ZRANB3: variants seen among roughly 807,000 people sequenced by gnomAD.
ZRANB3 encodes DNA annealing helicase and endonuclease ZRANB3.
In ZRANB3, 125 loss-of-function variants were observed where a neutral mutation model predicts 133.8. The ratio of observed to expected loss-of-function variants is 0.93; its 90% CI spans 0.81 to 1.08. The LOEUF is 1.08. ZRANB3 is among the 50% of genes least tolerant of loss of function. ZRANB3 has a pLI of 0.00. For synonymous variants in ZRANB3, 387 were observed against 432.7 expected (o/e 0.89, Z 1.31); for missense variants, 1,229 against 1,275.5 (o/e 0.96, Z 0.56).
At chr2:135,391,611 G>A (rs574653221) in intron 2 of ZRANB3, among the ~76,000 whole-genome samples, 1 of 142,976 alleles carries the variant, frequency 7.0e-6, no homozygotes, top group Admixed American at 7.5e-5. Flanking sequence ...ACGGAGTCTC[G>A]CTCTGTTGCC....
At chr2:135,392,425 A>G in intron 2 of ZRANB3, among the ~76,000 whole-genome samples, 1 of 151,770 alleles carries the variant, frequency 6.6e-6, no homozygotes, top group Middle Eastern at 3.4e-3. Flanking sequence ...TTGATATCAT[A>G]TAATCTTATA....
Position 135,491,749 on chromosome 2 carries a change from T to C in ZRANB3, c.161+12580A>G, listed in dbSNP as rs549469609. ...CCAGGATGGTCTTGATCTCCTGACC[T>C]TGTGATCTGCCCGCCTCAGCCTCAC... is the stretch of plus-strand genomic sequence containing the variant. On this transcript the variant is annotated intron_variant, in intron 2 of 20. Transcript: ENST00000264159. 2.2e-4 allele frequency among the ~76,000 whole-genome samples: 33 copies of C among 151,976 alleles called. No homozygotes were observed. The South Asian group carries it at 5.8e-3, about 27-fold the overall frequency.
intron 2 of ZRANB3, among the ~76,000 whole-genome samples, chr2:135,493,522 T>C (rs1692513872): frequency 6.6e-6 from 1 of 152,082 alleles, no homozygotes. Context: ...ATGTTGTATA[T>C]AACATATATA....
At chr2:135,419,049 T>A (rs1000773488) in intron 2 of ZRANB3, among the ~76,000 whole-genome samples, 2 of 147,338 alleles carry the variant, frequency 1.4e-5, no homozygotes, top group African/African-American at 5.0e-5. Flanking sequence ...GCCATTCTCC[T>A]GTCTCAGCCT....
chr2:135,416,361 G>C (rs1688574711), intron 2 of ZRANB3, among the ~76,000 whole-genome samples: 1 of 152,108 alleles, frequency 6.6e-6, no homozygotes, highest in Non-Finnish European at 1.5e-5. Context: ...ATTCACAATT[G>C]CTTCAAAGAG....
intron 6 of ZRANB3, among the ~76,000 whole-genome samples, chr2:135,322,835 G>GGCAAAACCCCATCTCTACTAAAAAT (rs1195900473): frequency 2.6e-5 from 4 of 151,944 alleles, no homozygotes; most frequent in African/African-American, 9.7e-5. Flanking sequence ...TGGATAACAT[G>GGCAAAACCCCATCTCTACTAAAAAT]GCAAAACCCC....
intron 2 of ZRANB3, among the ~76,000 whole-genome samples, chr2:135,449,880 C>A (rs182733420): frequency 6.3e-4 from 96 of 152,234 alleles, no homozygotes; most frequent in African/African-American, 2.2e-3. Context: ...GCTGCAGCCT[C>A]CTGAGTACCT....
intron 19 of ZRANB3, 86 bp downstream of exon 19, chr2:135,207,348 C>T: frequency 6.9e-7 from 1 of 1,441,810 alleles, no homozygotes; most frequent in South Asian, 1.6e-5. Flanking sequence ...TCTGAATATT[C>T]CCATGTTAAA....
At chr2:135,413,884 T>C (rs1451949616) in intron 2 of ZRANB3, among the ~76,000 whole-genome samples, 1 of 151,948 alleles carries the variant, frequency 6.6e-6, no homozygotes, top group Non-Finnish European at 1.5e-5. Flanking sequence ...AGAAATAAAA[T>C]ACTTTACAGA....
intron 12 of ZRANB3, among the ~76,000 whole-genome samples, chr2:135,254,007 G>C (rs1679529891): frequency 6.6e-6 from 1 of 152,118 alleles, no homozygotes. Flanking sequence ...TTTTGGCATG[G>C]CAAGTGTGAG....
Position 135,511,235 on chromosome 2 carries a change from T to G in ZRANB3, c.-7-6739A>C, listed in dbSNP as rs1395616051. ...CTTCCCATACTGTCTGAGATATGTCTGCAGGTGCTGGAGAAGAACTCTTCT... is the reference window on the plus strand; with the variant it reads ...CTTCCCATACTGTCTGAGATATGTCGGCAGGTGCTGGAGAAGAACTCTTCT... On this transcript the variant is annotated intron_variant, in intron 1 of 20. Coordinates refer to ENST00000264159, the MANE Select transcript of ZRANB3 (RefSeq NM_032143.4). 5 of 990,964 alleles carry G rather than the reference T, an allele frequency of 5.0e-6. No individual in the cohort carries two copies. The East Asian group carries it at 1.2e-4, about 24-fold the overall frequency. 61.4% of individuals were successfully genotyped at this position (990,964 alleles called of 1,614,324 possible). A position where few individuals can be genotyped will look rare whatever the true frequency, so the allele number is the denominator to read the frequency against.
intron 2 of ZRANB3, among the ~76,000 whole-genome samples, chr2:135,479,985 G>C (rs995194425): frequency 4.0e-5 from 6 of 151,408 alleles, no homozygotes. Flanking sequence ...CCAGGCTGGA[G>C]TGCAGTGGTG....
At chr2:135,202,153 GATGAT>G (rs1298508616) in intron 20 of ZRANB3, among the ~76,000 whole-genome samples, 3 of 152,184 alleles carry the variant, frequency 2.0e-5, no homozygotes, top group African/African-American at 7.2e-5. Flanking sequence ...AGTCATTTTA[GATGAT>G]ATAAGTTATG....
At chr2:135,420,103 A>ATG (rs1313058420) in intron 2 of ZRANB3, among the ~76,000 whole-genome samples, 2,280 of 123,748 alleles carry the variant, frequency 0.018, 75 homozygotes, top group African/African-American at 0.08. Context: ...ATATATATAT[A>ATG]TATATATATA....
At chr2:135,322,117 T>A (rs553665681) in intron 6 of ZRANB3, among the ~76,000 whole-genome samples, 1 of 152,304 alleles carries the variant, frequency 6.6e-6, no homozygotes, top group Admixed American at 6.5e-5. Context: ...TCCAAGAGCA[T>A]GTATTGAAAA....
At position 135,312,157 on chromosome 2, in the gene ZRANB3, T is replaced by TTTTTA. The variant is rs879598687; in HGVS notation, c.966+1327_966+1331dup. Among the ~76,000 whole-genome samples, 681 of 95,088 alleles carry TTTTTA rather than the reference T, an allele frequency of 7.2e-3. 11 individuals are homozygous for TTTTTA. The highest frequency in any genetic ancestry group is 0.026 in the East Asian group (83 of 3,160). 62.4% of individuals were successfully genotyped at this position (95,088 alleles called of 152,430 possible). A position where few individuals can be genotyped will look rare whatever the true frequency, so the allele number is the denominator to read the frequency against. On this transcript the variant is annotated intron_variant, in intron 8 of 20. Coordinates refer to ENST00000264159, the MANE Select transcript of ZRANB3 (RefSeq NM_032143.4). ...TATTATTTTATTTTATTTTATTTTA[T>TTTTTA]TTTTATTTTATTTTATTTTATTTTA...
intron 2 of ZRANB3, among the ~76,000 whole-genome samples, chr2:135,396,837 G>T (rs889632035): frequency 3.9e-5 from 6 of 151,994 alleles, no homozygotes; most frequent in African/African-American, 1.5e-4. Flanking sequence ...GTAACATAAT[G>T]AATAAATGCT....
At position 135,372,395 on chromosome 2, in the gene ZRANB3, G is replaced by C. The variant is rs1221029536; in HGVS notation, c.180+18407C>G. On this transcript the variant is annotated intron_variant, in intron 3 of 20. Coordinates refer to ENST00000264159, the MANE Select transcript of ZRANB3 (RefSeq NM_032143.4). ...TGTTATAGGAGTCAGATGGGATCAA[G>C]ACAATCCCCAAACCCACTTAAAGGA... Among the ~76,000 whole-genome samples, 3 of 152,098 alleles carry C rather than the reference G, an allele frequency of 2.0e-5. No individual in the cohort carries two copies. The East Asian group carries it at 5.8e-4, about 29-fold the overall frequency.
At chr2:135,410,770 G>A (rs1459097255) in intron 2 of ZRANB3, among the ~76,000 whole-genome samples, 1 of 129,064 alleles carries the variant, frequency 7.7e-6, no homozygotes, top group Non-Finnish European at 1.5e-5. Flanking sequence ...GAATCAACAA[G>A]GAGAAAACAA....
Sources: allele counts gnomAD v4.1 joint callset (sites outside exome capture counted in the v4.1 genomes callset), GRCh38; gene constraint gnomAD v4.1.1; transcripts MANE v1.5; gene names NCBI Gene and HGNC (gene_info 2026-07-23, HGNC 2026-07-21).